The following MALRD1 variants were observed in gnomAD, a reference collection of about 807,000 sequenced individuals.
MALRD1 encodes the protein MAM and LDL receptor class A domain containing 1, also known as MAM and LDL-receptor class A domain-containing protein 1.
A neutral mutation model predicts 242.1 loss-of-function variants in MALRD1; 247 were observed. The observed-to-expected ratio is 1.02, with a 90% CI of 0.92 to 1.13. The LOEUF is 1.13. Ranked by LOEUF, MALRD1 falls within the 50% of genes most tolerant of loss-of-function variation. The pLI is 0.00. For synonymous variants in MALRD1, 995 were observed against 866.6 expected (o/e 1.15, Z -2.60); for missense variants, 2,989 against 2,533.1 (o/e 1.18, Z -3.86).
intron 18 of MALRD1, among the ~76,000 whole-genome samples, chr10:19,214,108 G>C (rs1252717256): frequency 6.6e-6 from 1 of 152,068 alleles, no homozygotes; most frequent in Non-Finnish European, 1.5e-5. Context: ...TACTTTAGGG[G>C]GACCCTTTGC....
At chr10:19,659,813 A>G (rs1012299487) in intron 36 of MALRD1, among the ~76,000 whole-genome samples, 4 of 152,120 alleles carry the variant, frequency 2.6e-5, no homozygotes, top group African/African-American at 4.8e-5. Flanking sequence ...CTCAAATCCA[A>G]TGATGAGTGT....
chr10:19,399,712 T>C (rs1378701155), intron 28 of MALRD1, among the ~76,000 whole-genome samples: 1 of 152,198 alleles, frequency 6.6e-6, no homozygotes, highest in East Asian at 1.9e-4. Context: ...CCATTTGTAA[T>C]CTTTGAGGGA....
chr10:19,706,301 A>G (rs1589424889), intron 38 of MALRD1, among the ~76,000 whole-genome samples: 1 of 152,124 alleles, frequency 6.6e-6, no homozygotes, highest in Non-Finnish European at 1.5e-5. Context: ...AGAGATTTTC[A>G]TTTATTTTAT....
At chr10:19,553,957 T>G (rs2131414724) in intron 32 of MALRD1, among the ~76,000 whole-genome samples, 1 of 152,326 alleles carries the variant, frequency 6.6e-6, no homozygotes. Flanking sequence ...CAAATATTTG[T>G]TGAGCTCCTA....
chr10:19,419,598 A>T (rs1447118131), intron 28 of MALRD1, among the ~76,000 whole-genome samples: 1 of 152,006 alleles, frequency 6.6e-6, no homozygotes, highest in East Asian at 1.9e-4. Flanking sequence ...GGGATTACAG[A>T]TGTGAGCCAC....
intron 26 of MALRD1, among the ~76,000 whole-genome samples, chr10:19,360,485 C>G (rs1388200287): frequency 6.6e-6 from 1 of 152,008 alleles, no homozygotes; most frequent in Non-Finnish European, 1.5e-5. Context: ...ATTATGGCAG[C>G]TAGATTGTCT....
intron 36 of MALRD1, among the ~76,000 whole-genome samples, chr10:19,669,634 A>G (rs1841822713): frequency 6.6e-6 from 1 of 152,238 alleles, no homozygotes; most frequent in Non-Finnish European, 1.5e-5. Context: ...GGAATTAGCC[A>G]TAAAGCCTAG....
At chr10:19,611,837 A>G (rs2061911324) in intron 35 of MALRD1, among the ~76,000 whole-genome samples, 1 of 152,070 alleles carries the variant, frequency 6.6e-6, no homozygotes, top group South Asian at 2.1e-4. Context: ...AAATCTTATC[A>G]CAGAGATGAA....
intron 36 of MALRD1, among the ~76,000 whole-genome samples, chr10:19,683,694 T>C (rs969977339): frequency 3.3e-5 from 5 of 151,828 alleles, no homozygotes; most frequent in African/African-American, 4.8e-5. Context: ...TATGAGAGTG[T>C]TGCTCTCATA....
At chr10:19,110,345 C>G (rs373721361) in intron 5 of MALRD1, among the ~76,000 whole-genome samples, 4 of 152,296 alleles carry the variant, frequency 2.6e-5, no homozygotes, top group African/African-American at 9.6e-5. Context: ...GCTTCTAACA[C>G]TGGAACATGT....
intron 36 of MALRD1, among the ~76,000 whole-genome samples, chr10:19,679,496 G>T (rs1313853620): frequency 1.3e-5 from 2 of 152,116 alleles, no homozygotes; most frequent in Admixed American, 6.6e-5. Flanking sequence ...TGTGGGTTCA[G>T]TTGTGATATC....
chr10:19,053,913 A>T (rs1564363134), intron 1 of MALRD1, among the ~76,000 whole-genome samples: 2 of 152,294 alleles, frequency 1.3e-5, no homozygotes, highest in East Asian at 3.9e-4. Context: ...GAAATCAGAA[A>T]AAAAACTGAG....
At chr10:19,061,755 C>T (rs1207261614) in intron 1 of MALRD1, among the ~76,000 whole-genome samples, 1 of 152,094 alleles carries the variant, frequency 6.6e-6, no homozygotes, top group Non-Finnish European at 1.5e-5. Context: ...TGGAGTTGGA[C>T]CCTTACCTTA....
chr10:19,690,230 T>C (rs1266982407), intron 36 of MALRD1, among the ~76,000 whole-genome samples: 1 of 152,144 alleles, frequency 6.6e-6, no homozygotes, highest in African/African-American at 2.4e-5. Flanking sequence ...ATTTTGAAAC[T>C]GCTTTTGACC....
chr10:19,153,089 T>G (rs1241526885), intron 11 of MALRD1, among the ~76,000 whole-genome samples: 2 of 152,214 alleles, frequency 1.3e-5, no homozygotes, highest in African/African-American at 4.8e-5. Flanking sequence ...GATAGGATTC[T>G]ATGACTTGAC....
intron 29 of MALRD1, among the ~76,000 whole-genome samples, chr10:19,455,318 T>A: frequency 6.6e-6 from 1 of 152,204 alleles, no homozygotes; most frequent in Non-Finnish European, 1.5e-5. Context: ...TTTCAGAACG[T>A]TACTTAAAGT....
At chr10:19,259,098 A>G (rs1051943170) in intron 19 of MALRD1, among the ~76,000 whole-genome samples, 1 of 152,146 alleles carries the variant, frequency 6.6e-6, no homozygotes, top group Non-Finnish European at 1.5e-5. Context: ...ACAGCAGCCC[A>G]CATGTTTCTT....
intron 5 of MALRD1, among the ~76,000 whole-genome samples, chr10:19,111,905 A>G (rs1483249060): frequency 6.6e-6 from 1 of 152,218 alleles, no homozygotes; most frequent in Non-Finnish European, 1.5e-5. Flanking sequence ...ATAAAGCATT[A>G]TGGGATGAGA....
At chr10:19,459,360 C>T (rs923627861) in intron 29 of MALRD1, among the ~76,000 whole-genome samples, 1 of 152,132 alleles carries the variant, frequency 6.6e-6, no homozygotes, top group African/African-American at 2.4e-5. Flanking sequence ...CATCAACCCT[C>T]TACATTCAGT....
Sources: allele counts gnomAD v4.1 joint callset (sites outside exome capture counted in the v4.1 genomes callset), GRCh38; gene constraint gnomAD v4.1.1; transcripts MANE v1.5; gene names NCBI Gene and HGNC (gene_info 2026-07-23, HGNC 2026-07-21).